The following LUZP1 variants were observed in gnomAD, a reference collection of about 807,000 sequenced individuals.
The protein encoded by LUZP1 is leucine zipper protein 1, also known as filamin mechanobinding actin cross-linking protein.
In LUZP1, 25 loss-of-function variants were observed where a neutral mutation model predicts 71.3. The ratio of observed to expected loss-of-function variants is 0.35; its 90% confidence interval spans 0.26 to 0.49. The LOEUF (loss-of-function observed/expected upper bound fraction) is 0.49. Among genes scored for constraint, LUZP1 ranks in the 20% least tolerant of loss-of-function variants. LUZP1 has a pLI of 0.99. For missense variants in LUZP1, 1,142 were observed against 1,300.8 expected (o/e 0.88, Z 1.88); for synonymous variants, 481 against 506.4 (o/e 0.95, Z 0.67).
At chr1:23,153,910 T>TCA (rs148016313) in intron 2 of LUZP1, among the ~76,000 whole-genome samples, 16 of 151,454 alleles carry the variant, frequency 1.1e-4, no homozygotes, top group South Asian at 2.1e-4. Context: ...TGAGACTCTA[T>TCA]CACACACACA....
Position 23,093,877 on chromosome 1 carries a change from T to G in LUZP1, c.385A>C (p.Arg129=). The change falls in exon 4 of 5, where the codon AGG becomes CGG. Residue 129 remains arginine (R), a synonymous_variant. Transcript: ENST00000302291. The surrounding 1 kb of genome is among the most constrained non-coding windows in gnomAD (Gnocchi z 4.2). ...AGCTGGGTACAGTCATTCTTACTCC[T>G]GCTGAAGGCCTCTTCTAGCTTCTCT... The G allele has an allele frequency of 6.2e-7, 1 of 1,614,150 alleles. No homozygotes were observed. Among genetic ancestry groups the G allele is most frequent in the Non-Finnish European group, 8.5e-7 (1 of 1,180,030 alleles).
chr1:23,109,861 C>T (rs916195032), intron 2 of LUZP1, among the ~76,000 whole-genome samples: 2 of 151,942 alleles, frequency 1.3e-5, no homozygotes, highest in African/African-American at 4.8e-5. Flanking sequence ...CCTTGTTTTA[C>T]AGAAGGAAAC....
intron 2 of LUZP1, among the ~76,000 whole-genome samples, chr1:23,134,890 T>C (rs1352059256): frequency 6.6e-6 from 1 of 152,140 alleles, no homozygotes; most frequent in East Asian, 1.9e-4. Context: ...CACAGGTAAA[T>C]TGTGTGCCAC....
intron 2 of LUZP1, among the ~76,000 whole-genome samples, chr1:23,167,159 T>C (rs1644516422): frequency 6.6e-6 from 1 of 152,042 alleles, no homozygotes; most frequent in African/African-American, 2.4e-5. Context: ...GCAAACAAGG[T>C]GACAGAAGGC....
intron 1 of LUZP1, among the ~76,000 whole-genome samples, chr1:23,170,025 A>ACACC: frequency 6.6e-6 from 1 of 152,050 alleles, no homozygotes; most frequent in East Asian, 1.9e-4. Flanking sequence ...TTCTCTTAGC[A>ACACC]CACCCACTGC....
intron 2 of LUZP1, among the ~76,000 whole-genome samples, chr1:23,168,503 G>C (rs1437058417): frequency 1.4e-5 from 2 of 143,702 alleles, no homozygotes; most frequent in Admixed American, 7.1e-5. Context: ...CCCTCCCGAG[G>C]AAAAATCTCC....
chr1:23,092,172 C>T (rs141739515), exon 4 of LUZP1: 12 of 1,614,092 alleles, frequency 7.4e-6, no homozygotes, highest in Admixed American at 6.7e-5. Context: ...AGGTGCCCCT[C>T]GGGTTTTAGC....
At chr1:23,141,183 G>C (rs187808280) in intron 2 of LUZP1, 2 of 152,432 alleles carry the variant, frequency 1.3e-5, no homozygotes, top group Middle Eastern at 3.4e-3. Flanking sequence ...AACGGGACAC[G>C]GCCTGGCCCC....
intron 3 of LUZP1, among the ~76,000 whole-genome samples, chr1:23,097,583 A>T (rs1048221382): frequency 2.0e-5 from 3 of 152,096 alleles, no homozygotes; most frequent in Non-Finnish European, 4.4e-5. Flanking sequence ...GAGTGCAATG[A>T]CTCATATCTA....
intron 3 of LUZP1, among the ~76,000 whole-genome samples, chr1:23,098,190 C>G (rs1000529290): frequency 1.4e-4 from 22 of 152,196 alleles, no homozygotes; most frequent in African/African-American, 5.3e-4. Context: ...AAAAGAAGGA[C>G]AGGAGAGCAG....
intron 2 of LUZP1, among the ~76,000 whole-genome samples, chr1:23,147,608 TA>T (rs1644353716): frequency 1.2e-5 from 1 of 83,772 alleles, no homozygotes; most frequent in Admixed American, 1.9e-4. Flanking sequence ...ACCCAGTCTC[TA>T]CCCAAAAAAA....
intron 2 of LUZP1, among the ~76,000 whole-genome samples, chr1:23,160,045 T>C (rs1402984900): frequency 6.6e-6 from 1 of 152,158 alleles, no homozygotes; most frequent in African/African-American, 2.4e-5. Flanking sequence ...TCTGATGTAG[T>C]TTCATCAGAA....
intron 2 of LUZP1, among the ~76,000 whole-genome samples, chr1:23,152,049 G>A (rs1644389336): frequency 6.6e-6 from 1 of 150,544 alleles, no homozygotes. Flanking sequence ...TACTCCACAT[G>A]TTGCAATGAA....
At position 23,091,500 on chromosome 1, in the gene LUZP1, C is replaced by T. The variant is rs371794782; in HGVS notation, c.2762G>A (p.Arg921Gln). 9.3e-6 allele frequency: 15 copies of T among 1,614,038 alleles called. No individual in the cohort carries two copies. The East Asian group carries it at 1.1e-4, about 12-fold the overall frequency. ...GTCTCGCCTACTCTTCCAGGCATTC[C>T]GCACAGTAACATGTCTGGCATCTGA... Residue 921 changes from arginine (R) to glutamine (Q), a missense_variant, in exon 4 of 5, where the codon CGG becomes CAG. Physicochemically the swap from Arg to Gln is conservative, Grantham distance 43 (BLOSUM62 1). Transcript: ENST00000302291.
At chr1:23,157,559 G>A (rs1644429708) in intron 2 of LUZP1, among the ~76,000 whole-genome samples, 1 of 151,954 alleles carries the variant, frequency 6.6e-6, no homozygotes, top group African/African-American at 2.4e-5. Context: ...GGGAAGCCAA[G>A]GCAGGCAGAT....
At chr1:23,167,721 C>T (rs929100499) in intron 2 of LUZP1, among the ~76,000 whole-genome samples, 16 of 152,228 alleles carry the variant, frequency 1.1e-4, no homozygotes, top group Non-Finnish European at 2.4e-4. Flanking sequence ...GCACAGAAAC[C>T]GCAGCCACCT....
intron 2 of LUZP1, among the ~76,000 whole-genome samples, chr1:23,165,486 GA>G (rs1474071677): frequency 6.6e-6 from 1 of 151,574 alleles, no homozygotes; most frequent in Middle Eastern, 3.2e-3. Flanking sequence ...ACCAGCCTGG[GA>G]AACACAGGGA....
chr1:23,106,630 TA>T (rs943144329), intron 3 of LUZP1, among the ~76,000 whole-genome samples: 3 of 150,862 alleles, frequency 2.0e-5, no homozygotes, highest in East Asian at 3.9e-4. Context: ...AAATTTAAAT[TA>T]AAAAAAAATC....
At chr1:23,158,647 CAAAAAAAAAAAA>C (rs56919514) in intron 2 of LUZP1, among the ~76,000 whole-genome samples, 12 of 59,914 alleles carry the variant, frequency 2.0e-4, no homozygotes, top group East Asian at 1.4e-3. Flanking sequence ...GACTCTGTCT[CAAAAAAAAAAAA>C]AAAAAAAAAA....
Sources: allele counts gnomAD v4.1 joint callset (sites outside exome capture counted in the v4.1 genomes callset), GRCh38; gene constraint gnomAD v4.1.1; non-coding constraint Gnocchi (gnomAD v3.1); transcripts MANE v1.5; gene names NCBI Gene and HGNC (gene_info 2026-07-23, HGNC 2026-07-21).